Variants in PLEKHA6 observed in about 807,000 individuals in gnomAD.
PLEKHA6 encodes the protein pleckstrin homology domain containing A6.
In PLEKHA6, 60 loss-of-function variants were observed where a neutral mutation model predicts 116.7. The ratio of observed to expected loss-of-function variants is 0.51; its 90% CI spans 0.42 to 0.64. The LOEUF (loss-of-function observed/expected upper bound fraction) is 0.64, where lower values mean the gene tolerates loss of function less well. Among genes scored for constraint, PLEKHA6 ranks in the 30% least tolerant of loss-of-function variants. The pLI is 0.00. For missense variants in PLEKHA6, 1,338 were observed against 1,422.7 expected (o/e 0.94, Z 0.96); for synonymous variants, 489 against 556.1 (o/e 0.88, Z 1.70).
At chr1:204,281,248 G>A (rs578020738) in intron 1 of PLEKHA6, among the ~76,000 whole-genome samples, 4 of 152,098 alleles carry the variant, frequency 2.6e-5, no homozygotes, top group South Asian at 2.1e-4. Context: ...AAAAAAGGCC[G>A]GGGGCGGTGG....
rs1410062688 is a variant in PLEKHA6, at chr1:204,359,798, T to G, written c.-199A>C. On this transcript the variant is annotated 5_prime_UTR_variant, in exon 1 of 23. Transcript: ENST00000272203. Reference sequence around the variant, plus strand: ...AGCTGGGGTCCTCCTCCCCCGCCCCTGGGGCCCCCTTCTGCAGAGCGGGGC... The same window carrying G: ...AGCTGGGGTCCTCCTCCCCCGCCCCGGGGGCCCCCTTCTGCAGAGCGGGGC... 1.7e-6 allele frequency: 1 copy of G among 589,398 alleles called. No individual in the cohort carries two copies. Among genetic ancestry groups the G allele is most frequent in the African/African-American group, 2.0e-5 (1 of 50,074 alleles). 36.5% of individuals were successfully genotyped at this position (589,398 alleles called of 1,614,324 possible).
intron 1 of PLEKHA6, among the ~76,000 whole-genome samples, chr1:204,372,402 T>G (rs1406905634): frequency 3.3e-5 from 5 of 152,156 alleles, no homozygotes; most frequent in Admixed American, 3.3e-4. Flanking sequence ...TGACACAGAC[T>G]TCCAGAGCCA....
At chr1:204,358,031 A>G (rs1258904734) in intron 1 of PLEKHA6, among the ~76,000 whole-genome samples, 1 of 152,186 alleles carries the variant, frequency 6.6e-6, no homozygotes, top group African/African-American at 2.4e-5. Flanking sequence ...CTTCCTAGGA[A>G]GGAGGAAAAG....
chr1:204,274,908 T>C (rs556010038), intron 1 of PLEKHA6, 99 bp from the exon 2 acceptor site: 1 of 980,108 alleles, frequency 1.0e-6, no homozygotes, highest in African/African-American at 1.8e-5. Context: ...GGACAGGTGA[T>C]CATGTAAGGA....
At chr1:204,290,051 A>C (rs1669591432) in intron 1 of PLEKHA6, among the ~76,000 whole-genome samples, 1 of 152,232 alleles carries the variant, frequency 6.6e-6, no homozygotes, top group Non-Finnish European at 1.5e-5. Flanking sequence ...AATCCAAATA[A>C]AAGGAGAAAA....
rs1324318811 is a variant in PLEKHA6, at chr1:204,273,689, G to A, written c.39C>T (p.Thr13=). Residue 13 remains threonine, a synonymous_variant, in exon 3 of 23, where the codon ACC becomes ACT. Transcript: ENST00000272203. ...NKTGGKRPAT[T]NSDIPNHNMV... ...TGTTGTGGTTGGGTATGTCACTGTTGGTGGTAGCCGGGCGTTTCCCACCTG... is the reference window on the plus strand; with the variant it reads ...TGTTGTGGTTGGGTATGTCACTGTTAGTGGTAGCCGGGCGTTTCCCACCTG... The A allele has an allele frequency of 6.2e-7, 1 of 1,614,118 alleles. No individual in the cohort carries two copies.
rs1572171429 is a variant in PLEKHA6 at position 204,316,914 on chromosome 1, A to G, written c.-94-42105T>C. 2.6e-5 allele frequency among the ~76,000 whole-genome samples: 4 copies of G among 152,322 alleles called. No individual in the cohort carries two copies. The South Asian group carries it at 8.3e-4, about 32-fold the overall frequency. ...ACGGAGAAGCCAAATGATGAACCCC[A>G]GACAGATAAAGCGGCCTCCTCGTAT... On this transcript the variant is annotated intron_variant, in intron 1 of 22. Coordinates refer to ENST00000272203, the MANE Select transcript of PLEKHA6 (RefSeq NM_014935.5).
At chr1:204,357,976 A>G (rs1673461181) in intron 1 of PLEKHA6, among the ~76,000 whole-genome samples, 2 of 152,204 alleles carry the variant, frequency 1.3e-5, no homozygotes, top group Non-Finnish European at 2.9e-5. Context: ...ATCCAGGCAG[A>G]CACATTCAAA....
intron 21 of PLEKHA6, among the ~76,000 whole-genome samples, chr1:204,224,976 AC>A (rs1246298785): frequency 2.0e-5 from 3 of 152,042 alleles, no homozygotes. Context: ...ACTCATATGG[AC>A]CCCCTGGAGT....
rs1668161924 is a variant in PLEKHA6, at chr1:204,277,674, T to A, written c.-94-2865A>T. ...ATTCATCTGCTGTTATTGCTGCCGC[T>A]GCTGAGAAGCTGAGATTGATTGAGC... On this transcript the variant is annotated intron_variant, in intron 1 of 22. Transcript: ENST00000272203. The surrounding 1 kb of genome is among the most constrained non-coding windows in gnomAD (Gnocchi z 4.1). 1.3e-5 allele frequency: 2 copies of A among 152,236 alleles called. No homozygotes were observed. Among genetic ancestry groups the A allele is most frequent in the South Asian group, 4.1e-4 (2 of 4,834 alleles). 9.4% of individuals were successfully genotyped at this position (152,236 alleles called of 1,614,324 possible). A position where few individuals can be genotyped will look rare whatever the true frequency, so the allele number is the denominator to read the frequency against.
intron 1 of PLEKHA6, among the ~76,000 whole-genome samples, chr1:204,283,660 C>T (rs1305914199): frequency 6.6e-6 from 1 of 152,206 alleles, no homozygotes; most frequent in African/African-American, 2.4e-5. Flanking sequence ...CCTAGGAAAG[C>T]AGGAGAGAGC....
intron 1 of PLEKHA6, among the ~76,000 whole-genome samples, chr1:204,282,128 T>C (rs1286172063): frequency 2.6e-5 from 4 of 151,842 alleles, no homozygotes; most frequent in Non-Finnish European, 5.9e-5. Flanking sequence ...GCCTGGGTGG[T>C]CCCTTATTCC....
At chr1:204,310,351 T>C (rs1473738705) in intron 1 of PLEKHA6, among the ~76,000 whole-genome samples, 1 of 152,254 alleles carries the variant, frequency 6.6e-6, no homozygotes, top group Non-Finnish European at 1.5e-5. Context: ...AATGTCAATG[T>C]TAACTCTCCT....
At chr1:204,357,661 A>T (rs1480558909) in intron 1 of PLEKHA6, among the ~76,000 whole-genome samples, 1 of 152,206 alleles carries the variant, frequency 6.6e-6, no homozygotes, top group Admixed American at 6.5e-5. Flanking sequence ...ACCAGTGCCA[A>T]TGACCTCATC....
At chr1:204,356,699 A>T (rs1247009796) in intron 1 of PLEKHA6, among the ~76,000 whole-genome samples, 3 of 152,284 alleles carry the variant, frequency 2.0e-5, no homozygotes, top group South Asian at 4.1e-4. Context: ...ATGTATTGTG[A>T]TAATCTAGAC....
intron 1 of PLEKHA6, chr1:204,280,550 G>A (rs577728102): frequency 8.2e-6 from 6 of 731,554 alleles, no homozygotes; most frequent in East Asian, 1.3e-4. Flanking sequence ...TCCTGAGGAC[G>A]CCTTGGCTTC....
intron 17 of PLEKHA6, among the ~76,000 whole-genome samples, chr1:204,239,854 G>C (rs1662555593): frequency 6.6e-6 from 1 of 152,106 alleles, no homozygotes; most frequent in African/African-American, 2.4e-5. Flanking sequence ...TCAAGGGGTG[G>C]AAGTGGAAGT....
chr1:204,284,124 TC>T (rs755216833), intron 1 of PLEKHA6, among the ~76,000 whole-genome samples: 5 of 152,040 alleles, frequency 3.3e-5, no homozygotes, highest in Non-Finnish European at 5.9e-5. Context: ...CTCCTGTCCC[TC>T]CCCTCCCTAC....
chr1:204,333,989 C>T (rs1672550112), intron 1 of PLEKHA6, among the ~76,000 whole-genome samples: 1 of 152,192 alleles, frequency 6.6e-6, no homozygotes, highest in African/African-American at 2.4e-5. Flanking sequence ...TCTGAGGAGG[C>T]CTAGCCTTGC....
Sources: allele counts gnomAD v4.1 joint callset (sites outside exome capture counted in the v4.1 genomes callset), GRCh38; gene constraint gnomAD v4.1.1; non-coding constraint Gnocchi (gnomAD v3.1); transcripts MANE v1.5; gene names NCBI Gene and HGNC (gene_info 2026-07-23, HGNC 2026-07-21).